TMEM178B: variants seen among roughly 807,000 people sequenced by gnomAD.
TMEM178B encodes transmembrane protein 178B.
In TMEM178B, 5 loss-of-function variants were observed where a neutral mutation model predicts 31.0. The observed-to-expected ratio is 0.16, with a 90% CI of 0.08 to 0.34. TMEM178B has a LOEUF of 0.34. Ranked by LOEUF, TMEM178B falls within the 10% of genes least tolerant of loss-of-function variation. The pLI is 1.00. For missense variants in TMEM178B, 275 were observed against 400.3 expected (o/e 0.69, Z 2.67); for synonymous variants, 164 against 164.0 (o/e 1.00, Z 0.00).
At chr7:141,424,006 T>C (rs1028870593) in intron 2 of TMEM178B, among the ~76,000 whole-genome samples, 41 of 151,332 alleles carry the variant, frequency 2.7e-4, no homozygotes, top group Non-Finnish European at 4.3e-4. Context: ...TTAGTAAAGA[T>C]GTGGTTTCAC....
At chr7:141,321,343 C>T (rs998313706) in intron 2 of TMEM178B, among the ~76,000 whole-genome samples, 15 of 152,196 alleles carry the variant, frequency 9.9e-5, no homozygotes, top group African/African-American at 2.9e-4. Flanking sequence ...GCATGGGCAT[C>T]GTTTTCCTAA....
intron 2 of TMEM178B, among the ~76,000 whole-genome samples, chr7:141,363,761 T>G (rs952021892): frequency 1.1e-4 from 16 of 152,294 alleles, no homozygotes; most frequent in African/African-American, 3.6e-4. Flanking sequence ...ACAGGAGATG[T>G]GCTCAACCTT....
At chr7:141,172,344 G>A (rs1796363033) in intron 1 of TMEM178B, among the ~76,000 whole-genome samples, 1 of 152,206 alleles carries the variant, frequency 6.6e-6, no homozygotes. Flanking sequence ...GGGAGTACCA[G>A]ACTCCATGTC....
chr7:141,448,169 G>C (rs933106929), intron 3 of TMEM178B, among the ~76,000 whole-genome samples: 6 of 151,866 alleles, frequency 4.0e-5, no homozygotes, highest in Admixed American at 1.3e-4. Flanking sequence ...CCCAAATATT[G>C]AGAACACAAC....
chr7:141,340,686 A>G (rs758029370), intron 2 of TMEM178B, among the ~76,000 whole-genome samples: 3 of 152,230 alleles, frequency 2.0e-5, no homozygotes, highest in Non-Finnish European at 4.4e-5. Context: ...GCAACAGAAA[A>G]ACACTAAAGT....
At chr7:141,313,295 G>A (rs995968635) in intron 2 of TMEM178B, among the ~76,000 whole-genome samples, 3 of 152,046 alleles carry the variant, frequency 2.0e-5, no homozygotes, top group African/African-American at 7.3e-5. Flanking sequence ...TGTCCTTTCT[G>A]GCAACCACTA....
chr7:141,279,781 A>T (rs1465287037), intron 2 of TMEM178B, among the ~76,000 whole-genome samples: 1 of 152,238 alleles, frequency 6.6e-6, no homozygotes, highest in Non-Finnish European at 1.5e-5. Context: ...GTGAGCAAAT[A>T]GCACTGGCTT....
rs1802288367 is a variant in TMEM178B, at chr7:141,473,488, AT to A, written c.*2705del. 1 of 152,188 alleles carries A rather than the reference AT, an allele frequency of 6.6e-6. No individual in the cohort carries two copies. The highest frequency in any genetic ancestry group is 1.5e-5 in the Non-Finnish European group (1 of 68,026). 9.4% of individuals were successfully genotyped at this position (152,188 alleles called of 1,614,324 possible). A position where few individuals can be genotyped will look rare whatever the true frequency, so the allele number is the denominator to read the frequency against. ...GATGCTGGCTCACAGACCTATCATT[AT>A]TTATATCCTCTTTTTAAAAAAAAAT... On this transcript the variant is annotated 3_prime_UTR_variant, in exon 4 of 4. Coordinates refer to ENST00000565468, the MANE Select transcript of TMEM178B (RefSeq NM_001195278.2).
intron 2 of TMEM178B, among the ~76,000 whole-genome samples, chr7:141,263,797 T>C (rs995529255): frequency 1.3e-5 from 2 of 152,196 alleles, no homozygotes; most frequent in African/African-American, 2.4e-5. Context: ...CTGACACCAA[T>C]TGTAGATTCA....
At chr7:141,092,018 A>G (rs1255226447) in intron 1 of TMEM178B, among the ~76,000 whole-genome samples, 1 of 152,176 alleles carries the variant, frequency 6.6e-6, no homozygotes, top group African/African-American at 2.4e-5. Flanking sequence ...GTGAGCTACC[A>G]CACCCCACCT....
intron 2 of TMEM178B, among the ~76,000 whole-genome samples, chr7:141,243,889 C>T (rs1415515167): frequency 6.6e-6 from 1 of 152,160 alleles, no homozygotes; most frequent in African/African-American, 2.4e-5. Context: ...CCTGTCAAGA[C>T]CCAAACATGT....
chr7:141,225,828 T>C (rs1210246155), intron 2 of TMEM178B, among the ~76,000 whole-genome samples: 1 of 152,174 alleles, frequency 6.6e-6, no homozygotes, highest in Non-Finnish European at 1.5e-5. Context: ...GTGCCCTGTG[T>C]AGGCTTGTAT....
chr7:141,376,177 G>C (rs1048279780), intron 2 of TMEM178B, among the ~76,000 whole-genome samples: 5 of 152,230 alleles, frequency 3.3e-5, no homozygotes, highest in African/African-American at 1.2e-4. Flanking sequence ...TAACCAAATA[G>C]TCCCTGTTGA....
chr7:141,387,318 C>G (rs967164524), intron 2 of TMEM178B, among the ~76,000 whole-genome samples: 2 of 152,126 alleles, frequency 1.3e-5, no homozygotes, highest in Non-Finnish European at 2.9e-5. Flanking sequence ...TTTACAGTAA[C>G]GCCATAATAC....
intron 2 of TMEM178B, among the ~76,000 whole-genome samples, chr7:141,327,143 T>C (rs1427832796): frequency 4.6e-5 from 7 of 152,224 alleles, no homozygotes; most frequent in African/African-American, 2.4e-5. Context: ...AAACGTCTTT[T>C]ACTATTCCTA....
At chr7:141,168,685 G>A (rs944088060) in intron 1 of TMEM178B, among the ~76,000 whole-genome samples, 3 of 151,946 alleles carry the variant, frequency 2.0e-5, no homozygotes, top group East Asian at 1.9e-4. Flanking sequence ...CAGGAGAATC[G>A]CTTGAGCCCG....
chr7:141,199,484 G>A (rs1462663533), intron 1 of TMEM178B, among the ~76,000 whole-genome samples: 2 of 152,238 alleles, frequency 1.3e-5, no homozygotes, highest in African/African-American at 4.8e-5. Flanking sequence ...TGTAGTGGGA[G>A]AGGTGCCTGG....
chr7:141,417,969 C>T (rs1284408360), intron 2 of TMEM178B, among the ~76,000 whole-genome samples: 2 of 152,088 alleles, frequency 1.3e-5, no homozygotes, highest in Non-Finnish European at 2.9e-5. Context: ...AAAGCAGTGT[C>T]CTTTACCGCT....
chr7:141,086,885 A>G (rs769797327), intron 1 of TMEM178B, among the ~76,000 whole-genome samples: 15 of 152,076 alleles, frequency 9.9e-5, no homozygotes, highest in Non-Finnish European at 1.8e-4. Flanking sequence ...ACAGGGATTC[A>G]CCATGTTGGC....
Sources: gnomAD v4.1 joint callset for allele counts (sites outside exome capture counted in the v4.1 genomes callset) on GRCh38, gnomAD v4.1.1 for gene constraint, MANE v1.5 for transcripts, NCBI Gene and HGNC (gene_info 2026-07-23, HGNC 2026-07-21) for gene names.